Variants in PTPN13 observed in about 807,000 individuals in gnomAD.
The protein encoded by PTPN13 is protein tyrosine phosphatase non-receptor type 13.
Under a neutral mutation model 284.0 loss-of-function variants are expected in PTPN13, and 191 were observed. The observed-to-expected ratio is 0.67, with a 90% CI of 0.60 to 0.76. The LOEUF (loss-of-function observed/expected upper bound fraction) is 0.76. Among genes scored for constraint, PTPN13 ranks in the 30% least tolerant of loss-of-function variants. PTPN13 has a pLI of 0.00. For synonymous variants in PTPN13, 986 were observed against 1,022.3 expected, an observed-to-expected ratio of 0.96 and a Z score of 0.68; for missense variants, 2,797 against 2,939.9, an observed-to-expected ratio of 0.95 and a Z score of 1.12.
At chr4:86,800,154 C>G (rs1743852104) in intron 42 of PTPN13, among the ~76,000 whole-genome samples, 1 of 151,606 alleles carries the variant, frequency 6.6e-6, no homozygotes, top group Non-Finnish European at 1.5e-5. Context: ...TTATTATTAT[C>G]CTAGAATCCC....
chr4:86,683,761 T>G (rs951755376), intron 3 of PTPN13, among the ~76,000 whole-genome samples: 1 of 152,212 alleles, frequency 6.6e-6, no homozygotes, highest in African/African-American at 2.4e-5. Flanking sequence ...ATTATTAACA[T>G]ATAGTAACTC....
chr4:86,788,051 C>G (rs138792653), intron 40 of PTPN13, among the ~76,000 whole-genome samples: 5 of 152,218 alleles, frequency 3.3e-5, no homozygotes, highest in Non-Finnish European at 7.4e-5. Flanking sequence ...GCTTTAGAAT[C>G]TGTTTTAAAT....
chr4:86,611,552 G>A (rs1304299357), intron 1 of PTPN13, among the ~76,000 whole-genome samples: 2 of 152,180 alleles, frequency 1.3e-5, no homozygotes, highest in African/African-American at 4.8e-5. Context: ...GACAAAATAT[G>A]TGAAACAACA....
intron 1 of PTPN13, among the ~76,000 whole-genome samples, chr4:86,626,791 A>G (rs190143033): frequency 2.0e-5 from 3 of 152,140 alleles, no homozygotes; most frequent in Non-Finnish European, 4.4e-5. Context: ...ATAAAAAGTT[A>G]TATGTGGATT....
chr4:86,754,141 G>A (rs1737717857), intron 20 of PTPN13, among the ~76,000 whole-genome samples: 1 of 151,954 alleles, frequency 6.6e-6, no homozygotes, highest in Admixed American at 6.6e-5. Context: ...TACACACAAT[G>A]TCTTAAATAC....
chr4:86,653,495 C>CTTT (rs561218570), intron 2 of PTPN13, among the ~76,000 whole-genome samples: 17 of 141,086 alleles, frequency 1.2e-4, no homozygotes, highest in African/African-American at 3.1e-4. Flanking sequence ...CGCCTCAACT[C>CTTT]TTTTTTTTTT....
rs974576880 is a variant in PTPN13 at position 86,635,155 on chromosome 4, G to A, written c.-5-97G>A. The stretch of plus-strand genomic sequence containing the variant: ...CCATATTGAGAAATTAGGTAGACAG[G>A]GGGCTTATAGTCTGTCATCACTGAT... On this transcript the variant is annotated intron_variant, in intron 1 of 47. Transcript: ENST00000411767. 3.9e-6 allele frequency: 5 copies of A among 1,272,340 alleles called. No individual in the cohort carries two copies. In the African/African-American group the frequency reaches 7.6e-5, roughly 19 times the overall value. The allele number at this position is 1,272,340 out of a possible 1,614,324, so 78.8% of individuals were successfully genotyped here.
intron 6 of PTPN13, among the ~76,000 whole-genome samples, chr4:86,697,402 T>C (rs1363188858): frequency 1.3e-5 from 2 of 152,114 alleles, no homozygotes; most frequent in African/African-American, 4.8e-5. Flanking sequence ...ATTTAATTGT[T>C]CAGCTCAAAT....
At chr4:86,595,264 G>C (rs1457785205) in intron 1 of PTPN13, among the ~76,000 whole-genome samples, 1 of 152,012 alleles carries the variant, frequency 6.6e-6, no homozygotes, top group Non-Finnish European at 1.5e-5. Context: ...GCTCGAGAAG[G>C]GGGTGGGATG....
chr4:86,629,295 A>G (rs1268498005), intron 1 of PTPN13, among the ~76,000 whole-genome samples: 4 of 148,318 alleles, frequency 2.7e-5, no homozygotes, highest in Non-Finnish European at 3.0e-5. Context: ...AAGGACATGA[A>G]CAGACACTTC....
chr4:86,611,107 C>A (rs1170284568), intron 1 of PTPN13, among the ~76,000 whole-genome samples: 1 of 152,082 alleles, frequency 6.6e-6, no homozygotes, highest in African/African-American at 2.4e-5. Context: ...TTCCTACTTT[C>A]ACATTCAGTA....
intron 40 of PTPN13, among the ~76,000 whole-genome samples, chr4:86,792,963 A>G (rs1327639251): frequency 9.2e-5 from 14 of 152,226 alleles, no homozygotes; most frequent in Admixed American, 8.5e-4. Flanking sequence ...AACAGGCAAA[A>G]TAACGAGCTA....
chr4:86,601,809 G>T (rs1268494305), intron 1 of PTPN13, among the ~76,000 whole-genome samples: 1 of 152,166 alleles, frequency 6.6e-6, no homozygotes, highest in African/African-American at 2.4e-5. Flanking sequence ...TTTTCTAGAT[G>T]AATCTGTAAT....
At chr4:86,727,491 G>T (rs1288258907) in intron 10 of PTPN13, among the ~76,000 whole-genome samples, 1 of 149,246 alleles carries the variant, frequency 6.7e-6, no homozygotes, top group Admixed American at 6.7e-5. Context: ...CAATTTCAGA[G>T]CCTGTTATTG....
intron 19 of PTPN13, among the ~76,000 whole-genome samples, chr4:86,751,341 C>T (rs1737363878): frequency 6.6e-6 from 1 of 151,902 alleles, no homozygotes; most frequent in Non-Finnish European, 1.5e-5. Context: ...CTTTTTTTCC[C>T]CCTCAGACAG....
Position 86,775,641 on chromosome 4 carries a change from G to A in PTPN13, c.5880G>A (p.Leu1960=), listed in dbSNP as rs1218353101. ...ALDMSLPSLV[L]KATRNDLPVV... Reference sequence around the variant, plus strand: ...ACATGTCACTTCCTTCATTGGTATTGAAAGCAACAAGGTACTCTGCAATTA... The same window carrying A: ...ACATGTCACTTCCTTCATTGGTATTAAAAGCAACAAGGTACTCTGCAATTA... The change falls in exon 35 of 48, where the codon TTG becomes TTA. Residue 1960 remains leucine, a synonymous_variant. Transcript: ENST00000411767. 7 of 1,610,552 alleles carry A rather than the reference G, an allele frequency of 4.3e-6. No individual in the cohort carries two copies. The highest frequency in any genetic ancestry group is 5.9e-6 in the Non-Finnish European group (7 of 1,178,252).
intron 7 of PTPN13, among the ~76,000 whole-genome samples, chr4:86,706,600 A>G (rs563936318): frequency 1.3e-5 from 2 of 152,330 alleles, no homozygotes; most frequent in South Asian, 4.1e-4. Flanking sequence ...ATGACTGACC[A>G]GATAGGCCAT....
At chr4:86,686,204 A>C (rs551900675) in intron 3 of PTPN13, among the ~76,000 whole-genome samples, 12 of 152,280 alleles carry the variant, frequency 7.9e-5, no homozygotes, top group African/African-American at 2.9e-4. Context: ...TCTACTTAAA[A>C]TAGAAAAATT....
rs749141319 is a variant in PTPN13, at chr4:86,735,575, A to C, written c.2152-19A>C. ...AATAAAAGGCAAACAATTGCTTATG[A>C]AAACATTCTTTTATCTAGGTTCATG... On this transcript the variant is annotated intron_variant, in intron 14 of 47. Transcript: ENST00000411767. 1.9e-6 allele frequency: 3 copies of C among 1,601,130 alleles called. No individual in the cohort carries two copies. Among genetic ancestry groups the C allele is most frequent in the Non-Finnish European group, 2.5e-6 (3 of 1,176,962 alleles).
Sources: allele counts gnomAD v4.1 joint callset (sites outside exome capture counted in the v4.1 genomes callset), GRCh38; gene constraint gnomAD v4.1.1; transcripts MANE v1.5; gene names NCBI Gene and HGNC (gene_info 2026-07-23, HGNC 2026-07-21).